Variants in MAGI1 observed in about 807,000 individuals in gnomAD.
The protein encoded by MAGI1 is membrane-associated guanylate kinase, WW and PDZ domain-containing protein 1.
Under a neutral mutation model 139.9 loss-of-function variants are expected in MAGI1, and 58 were observed. The ratio of observed to expected loss-of-function variants is 0.41; its 90% CI spans 0.34 to 0.52. The LOEUF (loss-of-function observed/expected upper bound fraction) is 0.52, where lower values mean the gene tolerates loss of function less well. Ranked by LOEUF, MAGI1 falls within the 20% of genes least tolerant of loss-of-function variation. The pLI, the probability that MAGI1 is intolerant of heterozygous loss-of-function variation, is 0.12. For missense variants in MAGI1, 1,874 were observed against 1,901.6 expected (o/e 0.99, Z 0.27); for synonymous variants, 812 against 737.9 (o/e 1.10, Z -1.63).
chr3:65,755,420 A>G (rs2036488332), intron 1 of MAGI1, among the ~76,000 whole-genome samples: 1 of 152,162 alleles, frequency 6.6e-6, no homozygotes, highest in South Asian at 2.1e-4. Context: ...TTGGTCTCTG[A>G]TATCAGAATA....
intron 1 of MAGI1, among the ~76,000 whole-genome samples, chr3:65,652,284 T>C (rs1302180210): frequency 9.2e-5 from 14 of 152,154 alleles, no homozygotes; most frequent in Admixed American, 9.2e-4. Flanking sequence ...GAAAATAGGA[T>C]TCATAGTCAT....
chr3:65,551,750 A>G (rs1316520806), intron 2 of MAGI1, among the ~76,000 whole-genome samples: 1 of 152,238 alleles, frequency 6.6e-6, no homozygotes, highest in African/African-American at 2.4e-5. Context: ...GAAGCAGAAG[A>G]CTATACAATC....
At chr3:65,827,959 A>G (rs1035152379) in intron 1 of MAGI1, among the ~76,000 whole-genome samples, 1 of 152,210 alleles carries the variant, frequency 6.6e-6, no homozygotes, top group African/African-American at 2.4e-5. Context: ...ATCCATCCAA[A>G]AAGATTCCCT....
chr3:65,945,501 A>G (rs2063506355), intron 1 of MAGI1, among the ~76,000 whole-genome samples: 1 of 150,848 alleles, frequency 6.6e-6, no homozygotes, highest in East Asian at 1.9e-4. Context: ...GTCCTTGTGG[A>G]CCAACCTTGT....
intron 1 of MAGI1, among the ~76,000 whole-genome samples, chr3:65,787,378 T>C (rs2039468351): frequency 6.6e-6 from 1 of 151,816 alleles, no homozygotes; most frequent in African/African-American, 2.4e-5. Context: ...TGAAAAGTCT[T>C]CCTCTGCCGT....
At chr3:65,605,542 A>G (rs1379289513) in intron 2 of MAGI1, among the ~76,000 whole-genome samples, 1 of 152,164 alleles carries the variant, frequency 6.6e-6, no homozygotes, top group Non-Finnish European at 1.5e-5. Flanking sequence ...AAACTCAATG[A>G]TGGAGAGCCT....
intron 1 of MAGI1, among the ~76,000 whole-genome samples, chr3:66,000,415 C>T (rs920105770): frequency 6.6e-6 from 1 of 151,912 alleles, no homozygotes; most frequent in Non-Finnish European, 1.5e-5. Flanking sequence ...CTTCCTACCC[C>T]AATTAAATTT....
chr3:65,447,386 G>C (rs1412064329), intron 7 of MAGI1, among the ~76,000 whole-genome samples: 2 of 152,174 alleles, frequency 1.3e-5, no homozygotes, highest in Admixed American at 6.5e-5. Flanking sequence ...AACTAGAGTA[G>C]TCAAGACTTG....
At chr3:65,675,736 A>C (rs779737953) in intron 1 of MAGI1, among the ~76,000 whole-genome samples, 4 of 152,216 alleles carry the variant, frequency 2.6e-5, no homozygotes, top group Non-Finnish European at 4.4e-5. Flanking sequence ...AAATCAAACA[A>C]CAACAATAAC....
intron 1 of MAGI1, among the ~76,000 whole-genome samples, chr3:65,823,963 T>C (rs975752109): frequency 1.3e-4 from 20 of 152,206 alleles, no homozygotes; most frequent in Non-Finnish European, 2.5e-4. Context: ...TGGTAGGACA[T>C]TGGGTGAATT....
chr3:66,025,644 A>G (rs1174582822), intron 1 of MAGI1, among the ~76,000 whole-genome samples: 2 of 152,228 alleles, frequency 1.3e-5, no homozygotes, highest in African/African-American at 4.8e-5. Flanking sequence ...TCTTATTTTC[A>G]TAAGAAAAAG....
Position 65,588,938 on chromosome 3 carries a change from A to G in MAGI1, c.430+33034T>C, listed in dbSNP as rs530111443. On this transcript the variant is annotated intron_variant, in intron 2 of 22. Coordinates refer to ENST00000402939, the MANE Select transcript of MAGI1 (RefSeq NM_001033057.2). The stretch of plus-strand genomic sequence containing the variant: ...TGTGACTTCACAACAGACGCTAGGA[A>G]CACAAAAATGTATGAGACACTGAAG... Among the ~76,000 whole-genome samples the G allele has an allele frequency of 8.5e-5, 13 of 152,224 alleles. 1 individual carries two copies. The highest frequency in any genetic ancestry group is 2.9e-5 in the Non-Finnish European group (2 of 68,032).
At chr3:65,841,705 C>T (rs2058813296) in intron 1 of MAGI1, among the ~76,000 whole-genome samples, 1 of 152,112 alleles carries the variant, frequency 6.6e-6, no homozygotes, top group Non-Finnish European at 1.5e-5. Flanking sequence ...GGATTACAGG[C>T]ATGAGCCACC....
chr3:65,795,573 G>A (rs1435357846), intron 1 of MAGI1, among the ~76,000 whole-genome samples: 2 of 152,010 alleles, frequency 1.3e-5, no homozygotes, highest in African/African-American at 4.8e-5. Context: ...TACACTGGAT[G>A]GCCCTGTAGT....
At chr3:65,795,132 T>C (rs1015892135) in intron 1 of MAGI1, among the ~76,000 whole-genome samples, 60 of 152,348 alleles carry the variant, frequency 3.9e-4, no homozygotes, top group Non-Finnish European at 7.8e-4. Flanking sequence ...GACCAGCAAT[T>C]GCTCTCTTGT....
At chr3:65,943,333 T>C (rs1442064452) in intron 1 of MAGI1, among the ~76,000 whole-genome samples, 1 of 152,072 alleles carries the variant, frequency 6.6e-6, no homozygotes, top group East Asian at 1.9e-4. Flanking sequence ...CCCAGCACTT[T>C]GGGAGGCCAA....
intron 5 of MAGI1, among the ~76,000 whole-genome samples, chr3:65,454,664 G>T (rs1949273666): frequency 6.6e-6 from 1 of 150,854 alleles, no homozygotes; most frequent in African/African-American, 2.4e-5. Context: ...AAATTTGGGA[G>T]TTGGCAGGGA....
chr3:65,430,289 A>C (rs1947356373), intron 11 of MAGI1, 149 bp from the exon 12 acceptor site: 3 of 751,612 alleles, frequency 4.0e-6, no homozygotes, highest in East Asian at 5.4e-5. Flanking sequence ...TACTGATTTT[A>C]ACAGCTAATA....
chr3:65,549,343 C>G (rs927316648), intron 2 of MAGI1: 2 of 818,264 alleles, frequency 2.4e-6, no homozygotes, highest in Admixed American at 6.2e-5. Context: ...TCCTTCCTCC[C>G]TTCCTAACCC....
Sources: allele counts gnomAD v4.1 joint callset (sites outside exome capture counted in the v4.1 genomes callset), GRCh38; gene constraint gnomAD v4.1.1; transcripts MANE v1.5; gene names NCBI Gene and HGNC (gene_info 2026-07-23, HGNC 2026-07-21).